The following GNG4 variants were observed in gnomAD, a reference collection of about 807,000 sequenced individuals.
GNG4 encodes the protein guanine nucleotide-binding protein G(I)/G(S)/G(O) subunit gamma-4.
A neutral mutation model predicts 5.8 loss-of-function variants in GNG4; 4 were observed. The ratio of observed to expected loss-of-function variants is 0.69; its 90% CI spans 0.34 to 1.57. The LOEUF is 1.57. GNG4 is among the 40% of genes most tolerant of loss of function. The pLI is 0.06. For missense variants in GNG4, 96 were observed against 95.1 expected (o/e 1.01, Z -0.04); for synonymous variants, 29 against 32.9 (o/e 0.88, Z 0.41).
chr1:235,620,123 G>T (rs767315539), intron 1 of GNG4, among the ~76,000 whole-genome samples: 1 of 152,202 alleles, frequency 6.6e-6, no homozygotes, highest in Non-Finnish European at 1.5e-5. Flanking sequence ...CAGCGCTTTG[G>T]GAGGCTGAGG....
At chr1:235,582,971 G>A (rs1687673849) in intron 3 of GNG4, among the ~76,000 whole-genome samples, 1 of 152,256 alleles carries the variant, frequency 6.6e-6, no homozygotes, top group African/African-American at 2.4e-5. Flanking sequence ...AAGGCTTCAG[G>A]AGTCGCCCGT....
chr1:235,562,647 G>GAAAAAAAAAAAAAA (rs1286012762), intron 3 of GNG4, among the ~76,000 whole-genome samples: 7 of 21,390 alleles, frequency 3.3e-4, no homozygotes, highest in Non-Finnish European at 5.5e-4. Flanking sequence ...TCTGTCTCAA[G>GAAAAAAAAAAAAAA]AAAAAAAAAA....
intron 1 of GNG4, among the ~76,000 whole-genome samples, chr1:235,608,032 G>A (rs1376506721): frequency 6.6e-6 from 1 of 151,340 alleles, no homozygotes; most frequent in Non-Finnish European, 1.5e-5. Context: ...CTGCCTCCCA[G>A]GCTCAGGCCA....
At chr1:235,611,612 C>A (rs1688475844) in intron 1 of GNG4, among the ~76,000 whole-genome samples, 1 of 152,160 alleles carries the variant, frequency 6.6e-6, no homozygotes, top group African/African-American at 2.4e-5. Flanking sequence ...CCCAACTTCG[C>A]ATTAGACAAT....
rs142762893 is a variant in GNG4, at chr1:235,631,766, C to G, written c.-123+17896G>C. On this transcript the variant is annotated intron_variant, in intron 1 of 3. Coordinates refer to ENST00000391854, the MANE Select transcript of GNG4 (RefSeq NM_001098722.2). ...TATTTTTAGTAGAGATGGGGTTTCA[C>G]CATGTTGGCCAGGCTGGTCTTGAAC... Among the ~76,000 whole-genome samples, 2 of 151,986 alleles carry G rather than the reference C, an allele frequency of 1.3e-5. 1 individual carries two copies. The highest frequency in any genetic ancestry group is 4.1e-4 in the South Asian group (2 of 4,826).
chr1:235,596,195 ACAAACAAACAAAAT>A (rs1158987913), intron 1 of GNG4, among the ~76,000 whole-genome samples: 1 of 126,344 alleles, frequency 7.9e-6, no homozygotes, highest in Non-Finnish European at 1.6e-5. Context: ...CAAAACAAAA[ACAAACAAACAAAAT>A]ACACACACAC....
chr1:235,646,251 G>A (rs1355187994), intron 1 of GNG4, among the ~76,000 whole-genome samples: 3 of 152,230 alleles, frequency 2.0e-5, no homozygotes, highest in African/African-American at 7.2e-5. Context: ...CAGTGCCTGA[G>A]TGTGGGTCTC....
Position 235,590,159 on chromosome 1 carries a change from TAAG to T in GNG4, c.-11+5238_-11+5240del, listed in dbSNP as rs1246338350. Among the ~76,000 whole-genome samples, 30 of 152,282 alleles carry T rather than the reference TAAG, an allele frequency of 2.0e-4. No homozygotes were observed. The Middle Eastern group carries it at 0.02, about 104-fold the overall frequency. ...CCCTGCAATCTTCTGCATTCTTGCT[TAAG>T]AAGGTGGAGAGGCTGGGTGTGGTGG... On this transcript the variant is annotated intron_variant, in intron 2 of 3. Coordinates refer to ENST00000391854, the MANE Select transcript of GNG4 (RefSeq NM_001098722.2).
chr1:235,598,217 C>CT (rs1688171267), intron 1 of GNG4, among the ~76,000 whole-genome samples: 1 of 152,218 alleles, frequency 6.6e-6, no homozygotes, highest in Non-Finnish European at 1.5e-5. Context: ...AGAGTTCTGT[C>CT]TTAGCTCTCT....
rs546148937 is a variant in GNG4 at position 235,641,139 on chromosome 1, A to G, written c.-123+8523T>C. 2.6e-5 allele frequency among the ~76,000 whole-genome samples: 4 copies of G among 152,346 alleles called. No individual in the cohort carries two copies. In the East Asian group the frequency reaches 7.7e-4, roughly 29 times the overall value. ...CAGTGGCTGATGCCTGTAATTATGC[A>G]CTTTGGGAGGCCGAAGTGGGAGGAT... On this transcript the variant is annotated intron_variant, in intron 1 of 3. Transcript: ENST00000391854.
intron 1 of GNG4, among the ~76,000 whole-genome samples, chr1:235,600,129 T>TTTTTTTTG (rs1289825136): frequency 1.8e-5 from 2 of 113,014 alleles, no homozygotes; most frequent in African/African-American, 3.4e-5. Flanking sequence ...TTTTTTTTTT[T>TTTTTTTTG]AGACAGGCAG....
chr1:235,584,335 T>G (rs1356798396), intron 2 of GNG4, among the ~76,000 whole-genome samples: 1 of 152,186 alleles, frequency 6.6e-6, no homozygotes, highest in East Asian at 1.9e-4. Flanking sequence ...ACAGCCAACA[T>G]TTGTGGATCC....
intron 3 of GNG4, among the ~76,000 whole-genome samples, chr1:235,559,564 A>C (rs571344925): frequency 4.6e-5 from 7 of 152,136 alleles, no homozygotes; most frequent in Non-Finnish European, 8.8e-5. Flanking sequence ...CAGTGTGGGC[A>C]ATTCTTACTT....
At position 235,583,854 on chromosome 1, in the gene GNG4, A is replaced by G. The variant is rs2774336; in HGVS notation, c.-10-6T>C. The stretch of plus-strand genomic sequence containing the variant: ...CCTCTTTCATTCTACTGCCCCTAGA[A>G]GTAACCAAAGTAAAAGGGTTAGAAG... On this transcript the variant is annotated splice_region_variant and splice_polypyrimidine_tract_variant and intron_variant, in intron 2 of 3. Transcript: ENST00000391854. 630,396 of 1,576,918 alleles carry G rather than the reference A, an allele frequency of 0.4. 132,679 individuals carry two copies. Among genetic ancestry groups the G allele is most frequent in the East Asian group, 0.78 (34,856 of 44,712 alleles).
At position 235,571,806 on chromosome 1, in the gene GNG4, C is replaced by T. The variant is rs1188702575; in HGVS notation, c.99+11934G>A. Among the ~76,000 whole-genome samples, 5 of 152,058 alleles carry T rather than the reference C, an allele frequency of 3.3e-5. 1 individual carries two copies. Among genetic ancestry groups the T allele is most frequent in the African/African-American group, 9.7e-5 (4 of 41,390 alleles). The stretch of plus-strand genomic sequence containing the variant: ...GATTACAGGGTATAGCCTATTGCTC[C>T]TAGGCTACAAACTTTTTAAATGTTA... On this transcript the variant is annotated intron_variant, in intron 3 of 3. Coordinates refer to ENST00000391854, the MANE Select transcript of GNG4 (RefSeq NM_001098722.2).
intron 3 of GNG4, among the ~76,000 whole-genome samples, chr1:235,579,696 C>T (rs1278892180): frequency 1.3e-5 from 2 of 151,668 alleles, no homozygotes; most frequent in Non-Finnish European, 2.9e-5. Flanking sequence ...CTACTAAAAA[C>T]AAAAATTAGC....
intron 3 of GNG4, chr1:235,565,844 A>G (rs1687180454): frequency 6.6e-6 from 1 of 152,194 alleles, no homozygotes; most frequent in Non-Finnish European, 1.5e-5. Context: ...CATCAGCCTC[A>G]CAGGTGACCT....
At chr1:235,599,953 T>G (rs1444928719) in intron 1 of GNG4, among the ~76,000 whole-genome samples, 1 of 152,130 alleles carries the variant, frequency 6.6e-6, no homozygotes, top group African/African-American at 2.4e-5. Flanking sequence ...TGAAATGTAT[T>G]TCAGATGTCA....
At chr1:235,628,240 G>A (rs761926998) in intron 1 of GNG4, among the ~76,000 whole-genome samples, 29 of 152,278 alleles carry the variant, frequency 1.9e-4, no homozygotes, top group Non-Finnish European at 3.8e-4. Context: ...TGGCCCAAGA[G>A]TCTTTCTGGC....
Sources: gnomAD v4.1 joint callset for allele counts (sites outside exome capture counted in the v4.1 genomes callset) on GRCh38, gnomAD v4.1.1 for gene constraint, MANE v1.5 for transcripts, NCBI Gene and HGNC (gene_info 2026-07-23, HGNC 2026-07-21) for gene names.